Variants in RYR2 observed in about 807,000 individuals in gnomAD.
RYR2 encodes ryanodine receptor 2.
RYR2 carries 227 observed loss-of-function variants against 601.1 expected under a neutral mutation model. The ratio of observed to expected loss-of-function variants is 0.38; its 90% CI spans 0.34 to 0.42. The LOEUF (loss-of-function observed/expected upper bound fraction) is 0.42, where lower values mean the gene tolerates loss of function less well. Among genes scored for constraint, RYR2 ranks in the 10% least tolerant of loss-of-function variants. The probability of loss-of-function intolerance (pLI) is 1.00; values close to 1 mark genes in which losing one functional copy is unlikely to be tolerated. For missense variants in RYR2, 4,646 were observed against 6,156.5 expected, an observed-to-expected ratio of 0.75 and a Z score of 8.21; for synonymous variants, 2,223 against 2,175.1, an observed-to-expected ratio of 1.02 and a Z score of -0.61.
chr1:237,245,101 C>G (rs1572340852), intron 1 of RYR2, among the ~76,000 whole-genome samples: 1 of 151,970 alleles, frequency 6.6e-6, no homozygotes, highest in Non-Finnish European at 1.5e-5. Flanking sequence ...CCTGTAGTCT[C>G]AGCTGCTTGG....
chr1:237,507,535 TTTA>T (rs1339806561), intron 23 of RYR2, among the ~76,000 whole-genome samples: 6 of 152,254 alleles, frequency 3.9e-5, no homozygotes, highest in Non-Finnish European at 8.8e-5. Flanking sequence ...CCCTTCATAG[TTTA>T]TTGCATTGAG....
chr1:237,716,754 C>CCACACA (rs72260792), intron 71 of RYR2, among the ~76,000 whole-genome samples: 2 of 148,430 alleles, frequency 1.3e-5, no homozygotes, highest in South Asian at 2.1e-4. Flanking sequence ...ATATATTAGA[C>CCACACA]CACACACACA....
At chr1:237,149,199 T>C (rs764136030) in intron 1 of RYR2, among the ~76,000 whole-genome samples, 2 of 152,198 alleles carry the variant, frequency 1.3e-5, no homozygotes, top group Non-Finnish European at 2.9e-5. Flanking sequence ...GTGTCGCTTA[T>C]TTTCTATGCC....
chr1:237,100,339 T>G (rs374367978), intron 1 of RYR2, among the ~76,000 whole-genome samples: 151 of 151,796 alleles, frequency 9.9e-4, no homozygotes, highest in Middle Eastern at 3.4e-3. Context: ...CGCTTCTCGA[T>G]TCTCTCTTCT....
chr1:237,104,598 A>C (rs1285849229), intron 1 of RYR2, among the ~76,000 whole-genome samples: 1 of 151,792 alleles, frequency 6.6e-6, no homozygotes, highest in Non-Finnish European at 1.5e-5. Flanking sequence ...GGCAAATTCT[A>C]CTGGTTTGTC....
chr1:237,087,389 T>C (rs1005274578), intron 1 of RYR2, among the ~76,000 whole-genome samples: 2 of 152,174 alleles, frequency 1.3e-5, no homozygotes, highest in African/African-American at 4.8e-5. Flanking sequence ...GTTGCTCACC[T>C]GGTTACCTAC....
intron 1 of RYR2, among the ~76,000 whole-genome samples, chr1:237,263,866 G>C (rs1688772979): frequency 6.6e-6 from 1 of 152,012 alleles, no homozygotes. Flanking sequence ...TTCTAGTGGG[G>C]GAGGCTCAGA....
intron 91 of RYR2, among the ~76,000 whole-genome samples, chr1:237,786,691 C>G (rs912393196): frequency 6.6e-6 from 1 of 152,182 alleles, no homozygotes; most frequent in Non-Finnish European, 1.5e-5. Flanking sequence ...ATAATCGAAG[C>G]CTACATCTTT....
At chr1:237,799,882 A>T (rs539393182) in intron 97 of RYR2, 1 of 152,206 alleles carries the variant, frequency 6.6e-6, no homozygotes, top group African/African-American at 2.4e-5. Flanking sequence ...CTCACTGGGG[A>T]GGAAAGGAGC....
chr1:237,829,243 A>G (rs906370809), intron 102 of RYR2, among the ~76,000 whole-genome samples: 58 of 152,212 alleles, frequency 3.8e-4, no homozygotes, highest in African/African-American at 1.3e-3. Flanking sequence ...AAAGATAACT[A>G]TGGTTTAAAA....
chr1:237,456,844 A>C, intron 16 of RYR2, 109 bp downstream of exon 16: 2 of 1,239,654 alleles, frequency 1.6e-6, no homozygotes, highest in Admixed American at 4.4e-5. Context: ...TGGGAGGCTG[A>C]GGTGGGAGGA....
At chr1:237,702,093 T>A (rs1206559245) in intron 66 of RYR2, 34 bp downstream of exon 66, 1 of 1,176,958 alleles carries the variant, frequency 8.5e-7, no homozygotes, top group Non-Finnish European at 1.3e-6. Flanking sequence ...TTGTATTAAT[T>A]GCTGCTTCAA....
chr1:237,614,813 A>G lies in RYR2; in HGVS notation c.5685A>G (p.Gln1895=). 3 of 1,589,138 alleles carry G rather than the reference A, an allele frequency of 1.9e-6. No homozygotes were observed. Among genetic ancestry groups the G allele is most frequent in the Non-Finnish European group, 2.6e-6 (3 of 1,168,108 alleles). The change falls in exon 37 of 105, where the codon CAA becomes CAG. Residue 1895 remains glutamine (Q), a synonymous_variant. Transcript: ENST00000366574. This position sits in a 1 kb window ranked among gnomAD's most constrained non-coding sequence, Gnocchi z 4.3. The part of the protein sequence containing the change: ...GGKRPKEGLL[Q]MKLPEPVKLQ... ...AGCGGCCCAAGGAAGGCCTGCTCCA[A>G]ATGAAACTGCCAGAGCCAGTTAAAT...
At chr1:237,646,131 C>A (rs937079257) in intron 48 of RYR2, among the ~76,000 whole-genome samples, 4 of 152,074 alleles carry the variant, frequency 2.6e-5, no homozygotes, top group African/African-American at 9.7e-5. Flanking sequence ...CACATCTCGG[C>A]CTCCCAAAGT....
chr1:237,738,927 A>G (rs1349945814), intron 79 of RYR2, among the ~76,000 whole-genome samples: 1 of 152,064 alleles, frequency 6.6e-6, no homozygotes, highest in African/African-American at 2.4e-5. Flanking sequence ...ATTCTTAACA[A>G]CAATGGTTAA....
At chr1:237,343,881 C>T (rs148286802) in intron 3 of RYR2, among the ~76,000 whole-genome samples, 331 of 149,724 alleles carry the variant, frequency 2.2e-3, no homozygotes, top group African/African-American at 7.7e-3. Flanking sequence ...AGTGCTATGG[C>T]ATGGTCTTGG....
At chr1:237,508,888 G>A (rs1480418066) in intron 23 of RYR2, among the ~76,000 whole-genome samples, 13 of 150,706 alleles carry the variant, frequency 8.6e-5, no homozygotes, top group Non-Finnish European at 1.3e-4. Flanking sequence ...GACTACAGGC[G>A]CCCGCTACCA....
chr1:237,127,294 G>A (rs1671548037), intron 1 of RYR2, among the ~76,000 whole-genome samples: 1 of 151,996 alleles, frequency 6.6e-6, no homozygotes, highest in Non-Finnish European at 1.5e-5. Context: ...TCAATGAGCT[G>A]TTGGGTACAC....
intron 27 of RYR2, among the ~76,000 whole-genome samples, chr1:237,564,490 G>A (rs1006236308): frequency 6.6e-6 from 1 of 151,894 alleles, no homozygotes; most frequent in African/African-American, 2.4e-5. Context: ...GACTGGTCTC[G>A]AATTCCTGAC....
Sources: gnomAD v4.1 joint callset for allele counts (sites outside exome capture counted in the v4.1 genomes callset) on GRCh38, gnomAD v4.1.1 for gene constraint, Gnocchi (gnomAD v3.1) non-coding constraint, MANE v1.5 for transcripts, NCBI Gene and HGNC (gene_info 2026-07-23, HGNC 2026-07-21) for gene names.